Variants in EIF2AK4 observed in about 807,000 individuals in gnomAD.
EIF2AK4 encodes eukaryotic translation initiation factor 2 alpha kinase 4.
Under a neutral mutation model 211.1 loss-of-function variants are expected in EIF2AK4, and 139 were observed. That is an observed-to-expected ratio of 0.66 (90% CI 0.57 to 0.76). EIF2AK4 has a LOEUF of 0.76. EIF2AK4 is among the 30% of genes least tolerant of loss of function. The probability of loss-of-function intolerance (pLI) is 0.00; values close to 1 mark genes in which losing one functional copy is unlikely to be tolerated. For synonymous variants in EIF2AK4, 710 were observed against 751.3 expected, an observed-to-expected ratio of 0.94 and a Z score of 0.90; for missense variants, 1,664 against 2,043.8, an observed-to-expected ratio of 0.81 and a Z score of 3.58.
chr15:39,990,440 A>G (rs2034927604), intron 16 of EIF2AK4, 63 bp downstream of exon 16: 5 of 1,382,432 alleles, frequency 3.6e-6, no homozygotes, highest in Non-Finnish European at 5.1e-6. Flanking sequence ...TAATCCTGGA[A>G]GTGTTAGCGG....
chr15:40,017,501 C>G (rs867968954), intron 29 of EIF2AK4, among the ~76,000 whole-genome samples: 1 of 26,130 alleles, frequency 3.8e-5, no homozygotes, highest in African/African-American at 1.6e-4. Flanking sequence ...TACTCTGTTT[C>G]TATATATATA....
intron 29 of EIF2AK4, among the ~76,000 whole-genome samples, chr15:40,017,929 G>A (rs1215997994): frequency 2.0e-5 from 3 of 151,948 alleles, no homozygotes; most frequent in East Asian, 1.9e-4. Flanking sequence ...ATTTTATCAC[G>A]TGTACTTTCC....
At chr15:40,020,342 AT>A (rs528608840) in intron 30 of EIF2AK4, among the ~76,000 whole-genome samples, 10,464 of 137,192 alleles carry the variant, frequency 0.076, 461 homozygotes, top group Non-Finnish European at 0.11. Flanking sequence ...CTAACATAAC[AT>A]TTTTTTTTTT....
chr15:40,032,786 G>C lies in EIF2AK4; in HGVS notation c.4758G>C (p.Gln1586His), dbSNP rs1169991255. 3 of 1,613,292 alleles carry C rather than the reference G, an allele frequency of 1.9e-6. No individual in the cohort carries two copies. Among genetic ancestry groups the C allele is most frequent in the Non-Finnish European group, 2.5e-6 (3 of 1,179,754 alleles). The change falls in exon 37 of 39, where the codon CAG becomes CAC. Residue 1586 changes from glutamine (Q) to histidine (H), a missense_variant. Gln to His is a conservative substitution (Grantham distance 24). This residue lies in a region of EIF2AK4 where 138 missense variants were observed against 165.1 expected (regional missense o/e 0.84). Transcript: ENST00000263791. ...ATCTACCCAAAGAAACAATATTACA[G>C]TTTTTATCATTAGAGGTAAGCAATA... ...AVDLPKETIL[Q>H]FLSLEWDADE...
intron 15 of EIF2AK4, among the ~76,000 whole-genome samples, chr15:39,989,065 C>T (rs964911213): frequency 6.6e-6 from 1 of 152,144 alleles, no homozygotes; most frequent in African/African-American, 2.4e-5. Context: ...TTGATTCTAA[C>T]TGAATTAGTG....
Position 40,032,152 on chromosome 15 carries a change from A to G in EIF2AK4, c.4660-17A>G. 1.2e-6 allele frequency: 2 copies of G among 1,606,302 alleles called. No individual in the cohort carries two copies. The highest frequency in any genetic ancestry group is 1.7e-6 in the Non-Finnish European group (2 of 1,172,926). On this transcript the variant is annotated splice_polypyrimidine_tract_variant and intron_variant, in intron 35 of 38. Transcript: ENST00000263791. ...CTTGGTTTAACATGTTCTGAATTCC[A>G]TTTTCTTACTATTTAGGTACAAACT...
chr15:39,940,419 A>T (rs888817865), intron 2 of EIF2AK4, among the ~76,000 whole-genome samples: 1 of 152,300 alleles, frequency 6.6e-6, no homozygotes, highest in Non-Finnish European at 1.5e-5. Flanking sequence ...AAGTAAAAGG[A>T]AACTCTGCTT....
chr15:39,973,545 T>C, intron 10 of EIF2AK4, 47 bp from the exon 11 acceptor site: 3 of 1,550,846 alleles, frequency 1.9e-6, no homozygotes, highest in Non-Finnish European at 2.6e-6. Context: ...TAGCTCTTCC[T>C]AAATTTCCAA....
chr15:39,954,531 G>A, intron 5 of EIF2AK4, among the ~76,000 whole-genome samples: 1 of 152,240 alleles, frequency 6.6e-6, no homozygotes, highest in East Asian at 1.9e-4. Flanking sequence ...TGGGATTACA[G>A]GCGTGAGCCA....
intron 24 of EIF2AK4, 39 bp downstream of exon 24, chr15:40,007,104 A>G (rs1484754894): frequency 6.8e-7 from 1 of 1,475,780 alleles, no homozygotes; most frequent in Non-Finnish European, 9.4e-7. Flanking sequence ...TAGACATAGG[A>G]AAATAGTTGA....
chr15:40,022,475 A>G (rs374154754), intron 31 of EIF2AK4, 44 bp from the exon 32 acceptor site: 6 of 1,511,332 alleles, frequency 4.0e-6, no homozygotes, highest in Non-Finnish European at 1.8e-6. Flanking sequence ...AAGCTGTTCC[A>G]GGTGCTCTGT....
intron 14 of EIF2AK4, among the ~76,000 whole-genome samples, chr15:39,986,785 G>A (rs995078354): frequency 6.6e-6 from 1 of 152,194 alleles, no homozygotes; most frequent in Admixed American, 6.5e-5. Flanking sequence ...AACCCAGGAA[G>A]CGGAGGTTGC....
chr15:39,935,497 T>C (rs914908162), intron 1 of EIF2AK4, among the ~76,000 whole-genome samples: 75 of 152,134 alleles, frequency 4.9e-4, no homozygotes, highest in African/African-American at 1.4e-3. Context: ...ACCTGGTTAA[T>C]TTTTTTAATT....
At chr15:40,028,171 C>T (rs1395374810) in intron 33 of EIF2AK4, among the ~76,000 whole-genome samples, 1 of 151,566 alleles carries the variant, frequency 6.6e-6, no homozygotes, top group Non-Finnish European at 1.5e-5. Context: ...CTCCCAGGCT[C>T]AGGTGATCCT....
chr15:40,016,766 GTT>G, intron 28 of EIF2AK4, 94 bp downstream of exon 28: 14 of 1,447,082 alleles, frequency 9.7e-6, no homozygotes, highest in Non-Finnish European at 1.3e-5. Flanking sequence ...GCTAGTTAGT[GTT>G]TTATTTTTCC....
chr15:39,988,312 T>C (rs1346010809), intron 15 of EIF2AK4, among the ~76,000 whole-genome samples: 1 of 152,234 alleles, frequency 6.6e-6, no homozygotes, highest in African/African-American at 2.4e-5. Context: ...TAAAAAATGT[T>C]AAGAAAACTT....
intron 29 of EIF2AK4, among the ~76,000 whole-genome samples, chr15:40,017,551 A>ATATATATATATATATATGTATGTATG (rs71132134): frequency 1.1e-5 from 1 of 87,092 alleles, no homozygotes; most frequent in Non-Finnish European, 2.3e-5. Context: ...ATATATATAT[A>ATATATATATATATATATGTATGTATG]TATGTATTTT....
At chr15:39,939,227 C>T (rs750588508) in intron 1 of EIF2AK4, among the ~76,000 whole-genome samples, 2 of 152,178 alleles carry the variant, frequency 1.3e-5, no homozygotes, top group African/African-American at 2.4e-5. Flanking sequence ...TCCAGGAGAG[C>T]ACCCAGGCAT....
At chr15:39,958,679 G>A (rs185926327) in intron 6 of EIF2AK4, among the ~76,000 whole-genome samples, 1 of 152,174 alleles carries the variant, frequency 6.6e-6, no homozygotes, top group Non-Finnish European at 1.5e-5. Context: ...GTGGCTCTGT[G>A]TTTCAAATTA....
Sources: allele counts gnomAD v4.1 joint callset (sites outside exome capture counted in the v4.1 genomes callset), GRCh38; gene constraint gnomAD v4.1.1; regional missense constraint gnomAD v4.1.1; transcripts MANE v1.5; gene names NCBI Gene and HGNC (gene_info 2026-07-23, HGNC 2026-07-21).